SCN11A: variants seen among roughly 807,000 people sequenced by gnomAD.
SCN11A encodes the protein sodium channel protein type 11 subunit alpha.
Under a neutral mutation model 162.2 loss-of-function variants are expected in SCN11A, and 122 were observed. The ratio of observed to expected loss-of-function variants is 0.75; its 90% CI spans 0.65 to 0.87. The LOEUF (loss-of-function observed/expected upper bound fraction) is 0.87. Among genes scored for constraint, SCN11A ranks in the 40% least tolerant of loss-of-function variants. The pLI is 0.00. For synonymous variants in SCN11A, 758 were observed against 751.5 expected, an observed-to-expected ratio of 1.01 and a Z score of -0.14; for missense variants, 2,015 against 2,181.6, an observed-to-expected ratio of 0.92 and a Z score of 1.52.
At chr3:38,897,859 T>C (rs904135594) in intron 17 of SCN11A, among the ~76,000 whole-genome samples, 1 of 152,216 alleles carries the variant, frequency 6.6e-6, no homozygotes, top group African/African-American at 2.4e-5. Flanking sequence ...GTCAGCGAAC[T>C]CTGGCCTGAG....
At chr3:38,972,160 C>G (rs751560807) in intron 2 of SCN11A, among the ~76,000 whole-genome samples, 5 of 152,142 alleles carry the variant, frequency 3.3e-5, no homozygotes, top group Non-Finnish European at 7.4e-5. Flanking sequence ...TTGGAGGGAA[C>G]AAAATCCTGC....
chr3:38,876,820 C>T (rs1269691582), intron 23 of SCN11A, among the ~76,000 whole-genome samples: 2 of 151,896 alleles, frequency 1.3e-5, no homozygotes, highest in Non-Finnish European at 2.9e-5. Context: ...AAAAGTAGAT[C>T]TGTCATTTGA....
chr3:38,974,279 T>C (rs2066834288), intron 2 of SCN11A, among the ~76,000 whole-genome samples: 1 of 152,028 alleles, frequency 6.6e-6, no homozygotes, highest in African/African-American at 2.4e-5. Flanking sequence ...ATTACACATA[T>C]ATGAAGAGAA....
intron 29 of SCN11A, among the ~76,000 whole-genome samples, chr3:38,848,327 G>C (rs2064710686): frequency 6.6e-6 from 1 of 152,196 alleles, no homozygotes; most frequent in Admixed American, 6.5e-5. Context: ...ATTATAGAAT[G>C]GTTGGAACAT....
At chr3:38,933,955 T>A (rs1161778372) in intron 7 of SCN11A, among the ~76,000 whole-genome samples, 1 of 151,922 alleles carries the variant, frequency 6.6e-6, no homozygotes, top group Non-Finnish European at 1.5e-5. Flanking sequence ...AAGGAAAAAA[T>A]GTTAAGCGCA....
chr3:38,880,926 C>T (rs1398091469), intron 22 of SCN11A, among the ~76,000 whole-genome samples: 4 of 152,076 alleles, frequency 2.6e-5, no homozygotes, highest in Non-Finnish European at 5.9e-5. Flanking sequence ...GAAAGGAAGA[C>T]GGCCTGTTAC....
chr3:38,987,278 T>G (rs1454112289), intron 2 of SCN11A, among the ~76,000 whole-genome samples: 1 of 119,222 alleles, frequency 8.4e-6, no homozygotes, highest in African/African-American at 3.3e-5. Context: ...CCCAGTGCCT[T>G]TCTCTCTCTC....
At chr3:38,894,481 G>A (rs1343828041) in intron 19 of SCN11A, 52 bp downstream of exon 19, 5 of 1,443,798 alleles carry the variant, frequency 3.5e-6, no homozygotes, top group Non-Finnish European at 4.7e-6. Context: ...CCAGTGCCCT[G>A]TGATAACTCC....
intron 28 of SCN11A, among the ~76,000 whole-genome samples, chr3:38,856,567 C>CCAGCCACCTTCATCAAGGCTGGGACCT (rs1452577515): frequency 1.3e-4 from 20 of 152,110 alleles, no homozygotes; most frequent in Non-Finnish European, 2.9e-5. Flanking sequence ...GAGAGGTCTC[C>CCAGCCACCTTCATCAAGGCTGGGACCT]CAGCCACCTT....
chr3:38,954,727 G>A (rs1024620759), intron 3 of SCN11A, among the ~76,000 whole-genome samples: 3 of 152,208 alleles, frequency 2.0e-5, no homozygotes, highest in African/African-American at 2.4e-5. Context: ...AGTGGCTCAT[G>A]TCTGTAATCC....
At chr3:38,864,100 G>T (rs952128835) in intron 27 of SCN11A, among the ~76,000 whole-genome samples, 1 of 152,130 alleles carries the variant, frequency 6.6e-6, no homozygotes, top group South Asian at 2.1e-4. Flanking sequence ...GTCTTTGCAA[G>T]AATATGGGAC....
chr3:38,987,301 T>TCACACACACACA (rs1371784796), intron 2 of SCN11A, among the ~76,000 whole-genome samples: 1 of 113,520 alleles, frequency 8.8e-6, no homozygotes, highest in Non-Finnish European at 1.8e-5. Flanking sequence ...TCTCTCTCTC[T>TCACACACACACA]CTCACACACA....
At chr3:39,020,301 T>C (rs1200773068) in intron 2 of SCN11A, among the ~76,000 whole-genome samples, 2 of 152,198 alleles carry the variant, frequency 1.3e-5, no homozygotes, top group Admixed American at 6.5e-5. Flanking sequence ...AAAAGGATGT[T>C]CTCAATAGGT....
At chr3:38,938,523 T>C (rs186481448) in intron 7 of SCN11A, among the ~76,000 whole-genome samples, 500 of 15,354 alleles carry the variant, frequency 0.033, 16 homozygotes, top group African/African-American at 0.16. Context: ...TATATATATA[T>C]ATATATATAT....
At chr3:38,912,469 A>T (rs1351233366) in intron 11 of SCN11A, among the ~76,000 whole-genome samples, 1 of 151,758 alleles carries the variant, frequency 6.6e-6, no homozygotes. Context: ...TTTTCTTTCT[A>T]TTTATTTATT....
Position 38,883,217 on chromosome 3 carries a change from GACA to G in SCN11A, c.3219+13_3219+15del. On this transcript the variant is annotated intron_variant, in intron 22 of 29. Transcript: ENST00000302328. ...GCCCTGATGCCCAATGTCTCCACAA[GACA>G]ATGATGATTTACCAGTGCCCCACTG... The G allele has an allele frequency of 6.2e-7, 1 of 1,607,826 alleles. No individual in the cohort carries two copies. Among genetic ancestry groups the G allele is most frequent in the African/African-American group, 1.3e-5 (1 of 74,894 alleles).
intron 2 of SCN11A, among the ~76,000 whole-genome samples, chr3:39,000,469 C>T (rs955445867): frequency 3.9e-5 from 6 of 152,190 alleles, no homozygotes; most frequent in Non-Finnish European, 5.9e-5. Context: ...GCAAACTGTT[C>T]TTAAAAATCA....
intron 27 of SCN11A, among the ~76,000 whole-genome samples, chr3:38,866,694 ATTTGGTGGCCACCT>A (rs997980077): frequency 2.0e-5 from 3 of 152,216 alleles, no homozygotes; most frequent in Non-Finnish European, 4.4e-5. Context: ...AGTGGTTATC[ATTTGGTGGCCACCT>A]TTGGGTGATT....
chr3:38,909,954 G>T (rs2065862023), intron 12 of SCN11A, 112 bp downstream of exon 12: 2 of 986,320 alleles, frequency 2.0e-6, no homozygotes, highest in Non-Finnish European at 3.0e-6. Flanking sequence ...GATAAAAGTG[G>T]GGGATGAATG....
Sources: gnomAD v4.1 joint callset for allele counts (sites outside exome capture counted in the v4.1 genomes callset) on GRCh38, gnomAD v4.1.1 for gene constraint, MANE v1.5 for transcripts, NCBI Gene and HGNC (gene_info 2026-07-23, HGNC 2026-07-21) for gene names.